Variants in C1QL3 observed in about 807,000 individuals in gnomAD.
C1QL3 encodes complement C1q-like protein 3.
C1QL3 carries 4 observed loss-of-function variants against 16.6 expected under a neutral mutation model. The ratio of observed to expected loss-of-function variants is 0.24; its 90% CI spans 0.12 to 0.55. C1QL3 has a LOEUF of 0.55. Ranked by LOEUF, C1QL3 falls within the 20% of genes least tolerant of loss-of-function variation. The pLI, the probability that C1QL3 is intolerant of heterozygous loss-of-function variation, is 0.94. For synonymous variants in C1QL3, 189 were observed against 160.2 expected, an observed-to-expected ratio of 1.18 and a Z score of -1.36; for missense variants, 269 against 365.6, an observed-to-expected ratio of 0.74 and a Z score of 2.16.
rs1837017071 is a variant in C1QL3, at chr10:16,520,149, T to G, written c.588+329A>C. Reference sequence around the variant, plus strand: ...GAGGATCCCACGGCCAGGGGTCGCTTCCCGCGCCGGGACTCCCCAGCGCAC... The same window carrying G: ...GAGGATCCCACGGCCAGGGGTCGCTGCCCGCGCCGGGACTCCCCAGCGCAC... On this transcript the variant is annotated intron_variant, in intron 1 of 1. Transcript: ENST00000298943. The surrounding 1 kb of genome is among the most constrained non-coding windows in gnomAD (Gnocchi z 8.3). Among the ~76,000 whole-genome samples, 1 of 152,174 alleles carries G rather than the reference T, an allele frequency of 6.6e-6. No homozygotes were observed. Among genetic ancestry groups the G allele is most frequent in the African/African-American group, 2.4e-5 (1 of 41,520 alleles).
intron 1 of C1QL3, among the ~76,000 whole-genome samples, chr10:16,518,082 A>T (rs1000545642): frequency 1.3e-5 from 2 of 152,204 alleles, no homozygotes; most frequent in African/African-American, 4.8e-5. Context: ...TTTCTGTTTT[A>T]TGAAAAATTA....
intron 1 of C1QL3, among the ~76,000 whole-genome samples, chr10:16,518,734 T>C (rs1218455732): frequency 2.0e-5 from 3 of 152,226 alleles, no homozygotes; most frequent in Non-Finnish European, 2.9e-5. Context: ...TTCATTTTAA[T>C]TGATACCTCT....
rs1162714066 is a variant in C1QL3 at position 16,520,490 on chromosome 10, G to A, written c.576C>T (p.Cys192=). The change falls in exon 1 of 2, where the codon TGC becomes TGT. Residue 192 remains cysteine (C), a synonymous_variant. Transcript: ENST00000298943. The surrounding 1 kb of genome is among the most constrained non-coding windows in gnomAD (Gnocchi z 8.3). Reference sequence around the variant, plus strand: ...CGCCCGCGCTCACCTGGTTGTTTTTGCAGAGATCAGCCCACATGCTGGTGC... The same window carrying A: ...CGCCCGCGCTCACCTGGTTGTTTTTACAGAGATCAGCCCACATGCTGGTGC... The part of the protein sequence containing the change: ...GDGTSMWADL[C]KNNQVRASAI... The A allele has an allele frequency of 8.9e-6, 9 of 1,013,248 alleles. No homozygotes were observed. The highest frequency in any genetic ancestry group is 2.7e-5 in the South Asian group (2 of 74,880). 62.8% of individuals were successfully genotyped at this position (1,013,248 alleles called of 1,614,324 possible).
rs1281911856 is a variant in C1QL3, at chr10:16,520,841, G to A, written c.225C>T (p.Arg75=). ...GTGGCCCGGGCTCTCCGGGGGGCCC[G>A]CGCGGACCCGCCTTCCCGGGCCTGC... is the stretch of plus-strand genomic sequence containing the variant. The part of the protein sequence containing the change: ...EAGRPGKAGP[R]GPPGEPGPPG... The change falls in exon 1 of 2, where the codon CGC becomes CGT. Residue 75 remains arginine, a synonymous_variant. Transcript: ENST00000298943. This position sits in a 1 kb window ranked among gnomAD's most constrained non-coding sequence, Gnocchi z 8.3. 2 of 1,403,202 alleles carry A rather than the reference G, an allele frequency of 1.4e-6. No individual in the cohort carries two copies. Among genetic ancestry groups the A allele is most frequent in the Admixed American group, 3.0e-5 (1 of 32,900 alleles). 86.9% of individuals were successfully genotyped at this position (1,403,202 alleles called of 1,614,324 possible).
At position 16,514,377 on chromosome 10, in the gene C1QL3, T is replaced by C. The variant is rs1167996611; in HGVS notation, c.*151A>G. On this transcript the variant is annotated 3_prime_UTR_variant, in exon 2 of 2. Transcript: ENST00000298943. ...TTTTTTACATAATGTTTCTGAGTGA[T>C]ACAGATGTGAGTCAGGTAGCATTTG... 7.8e-6 allele frequency: 5 copies of C among 639,136 alleles called. No homozygotes were observed. Among genetic ancestry groups the C allele is most frequent in the Non-Finnish European group, 1.4e-5 (5 of 362,554 alleles). The allele number at this position is 639,136 out of a possible 1,614,324, so 39.6% of individuals were successfully genotyped here.
chr10:16,514,954 A>G (rs74125908), intron 1 of C1QL3, among the ~76,000 whole-genome samples: 1,931 of 152,266 alleles, frequency 0.013, 31 homozygotes, highest in African/African-American at 0.044. Flanking sequence ...TTATCTAACT[A>G]CACATTCTAA....
Position 16,520,428 on chromosome 10 carries a change from C to T in C1QL3, c.588+50G>A. ...TCCGGGGTCTCCTCCCTCTCGCCCG[C>T]ACCTTCCCGCGCTCCCTCCCCGCCC... is the stretch of plus-strand genomic sequence containing the variant. On this transcript the variant is annotated intron_variant, in intron 1 of 1. Coordinates refer to ENST00000298943, the MANE Select transcript of C1QL3 (RefSeq NM_001010908.2). The surrounding 1 kb of genome is among the most constrained non-coding windows in gnomAD (Gnocchi z 8.3). The T allele has an allele frequency of 1.5e-6, 2 of 1,363,466 alleles. No homozygotes were observed. Among genetic ancestry groups the T allele is most frequent in the Non-Finnish European group, 1.0e-6 (1 of 1,003,274 alleles). The allele number at this position is 1,363,466 out of a possible 1,614,324, so 84.5% of individuals were successfully genotyped here. A position where few individuals can be genotyped will look rare whatever the true frequency, so the allele number is the denominator to read the frequency against.
rs1837040013 is a variant in C1QL3 at position 16,521,329 on chromosome 10, GC to G, written c.-265del. ...CCAGTGACTTGAGCCGAAGTCCCGAGCCCGGGGTGGGGGCCGGGGGAGGGGT... is the reference window on the plus strand; with the variant it reads ...CCAGTGACTTGAGCCGAAGTCCCGAGCCGGGGTGGGGGCCGGGGGAGGGGT... On this transcript the variant is annotated 5_prime_UTR_variant, in exon 1 of 2. Transcript: ENST00000298943. 5.2e-6 allele frequency: 2 copies of G among 381,758 alleles called. No individual in the cohort carries two copies. Among genetic ancestry groups the G allele is most frequent in the Admixed American group, 9.6e-5 (2 of 20,930 alleles). 23.6% of individuals were successfully genotyped at this position (381,758 alleles called of 1,614,324 possible). A position where few individuals can be genotyped will look rare whatever the true frequency, so the allele number is the denominator to read the frequency against.
intron 1 of C1QL3, among the ~76,000 whole-genome samples, chr10:16,519,850 ATTTT>A (rs755342400): frequency 5.9e-5 from 9 of 151,908 alleles, no homozygotes; most frequent in Non-Finnish European, 1.0e-4. Flanking sequence ...CCCCTCCGCT[ATTTT>A]TTGGCTGAAG....
intron 1 of C1QL3, among the ~76,000 whole-genome samples, chr10:16,515,133 A>C (rs1285540111): frequency 6.6e-6 from 1 of 152,086 alleles, no homozygotes; most frequent in Admixed American, 6.5e-5. Context: ...TTCAAGTCTA[A>C]GTTCAGCTGT....
chr10:16,519,066 T>A (rs139650048), intron 1 of C1QL3, among the ~76,000 whole-genome samples: 2,025 of 150,654 alleles, frequency 0.013, 43 homozygotes, highest in African/African-American at 0.047. Context: ...GTCCTGAGGG[T>A]CCCTTAAGCT....
At chr10:16,515,190 C>G (rs946070804) in intron 1 of C1QL3, among the ~76,000 whole-genome samples, 2 of 150,162 alleles carry the variant, frequency 1.3e-5, no homozygotes, top group African/African-American at 4.9e-5. Context: ...CTAAAAATAC[C>G]CAGGAAAATA....
In C1QL3 at chr10:16,520,906, A is replaced by G. The variant is rs1201520536; in HGVS notation, c.160T>C (p.Ser54Pro). Residue 54 changes from serine (S) to proline (P), a missense_variant, in exon 1 of 2, where the codon TCC (serine) becomes CCC (proline). By Grantham distance (74) the Ser-to-Pro change is moderately conservative. Coordinates refer to ENST00000298943, the MANE Select transcript of C1QL3 (RefSeq NM_001010908.2). The surrounding 1 kb of genome is among the most constrained non-coding windows in gnomAD (Gnocchi z 8.3). ...GGGCCCTGGATGAAGGTGGGCAGGG[A>G]CTGCATGAGGCCGCGGTCGGGCGTG... Reference protein sequence around the residue: ...AATPDRGLMQSLPTFIQGPKG... With the variant: ...AATPDRGLMQPLPTFIQGPKG... 3.2e-6 allele frequency: 5 copies of G among 1,553,306 alleles called. No homozygotes were observed. The African/African-American group carries it at 4.1e-5, about 13-fold the overall frequency.
rs1208302609 is a variant in C1QL3 at position 16,520,039 on chromosome 10, C to G, written c.588+439G>C. ...CCCTCCGGCCTTTGTCTACCACCCC[C>G]GAGTCGGTCACCCTGCCACGCCCAT... is the stretch of plus-strand genomic sequence containing the variant. On this transcript the variant is annotated intron_variant, in intron 1 of 1. Coordinates refer to ENST00000298943, the MANE Select transcript of C1QL3 (RefSeq NM_001010908.2). This position sits in a 1 kb window ranked among gnomAD's most constrained non-coding sequence, Gnocchi z 8.3. 6.6e-6 allele frequency among the ~76,000 whole-genome samples: 1 copy of G among 152,114 alleles called. No homozygotes were observed. Among genetic ancestry groups the G allele is most frequent in the Non-Finnish European group, 1.5e-5 (1 of 68,014 alleles).
Position 16,520,721 on chromosome 10 carries a change from G to C in C1QL3, c.345C>G (p.Ala115=), listed in dbSNP as rs961268494. Residue 115 remains alanine (A), a synonymous_variant, in exon 1 of 2, where the codon GCC becomes GCG. Transcript: ENST00000298943. This position sits in a 1 kb window ranked among gnomAD's most constrained non-coding sequence, Gnocchi z 8.3. ...CCGTGCTGTAGGTGGCGGCGCTGATGGCCCCGGCCGCGTTCAGGCCGGGCG... is the reference window on the plus strand; with the variant it reads ...CCGTGCTGTAGGTGGCGGCGCTGATCGCCCCGGCCGCGTTCAGGCCGGGCG... ...PGAPGLNAAG[A]ISAATYSTVP... 2.6e-6 allele frequency: 4 copies of C among 1,530,550 alleles called. No individual in the cohort carries two copies. Among genetic ancestry groups the C allele is most frequent in the Non-Finnish European group, 3.5e-6 (4 of 1,136,760 alleles). The allele number at this position is 1,530,550 out of a possible 1,614,324, so 94.8% of individuals were successfully genotyped here.
chr10:16,519,700 G>C (rs932541819), intron 1 of C1QL3, among the ~76,000 whole-genome samples: 2 of 152,196 alleles, frequency 1.3e-5, no homozygotes, highest in East Asian at 3.9e-4. Flanking sequence ...GGCTCGAACC[G>C]GTCGCCCCCC....
In C1QL3 at chr10:16,520,964, G is replaced by A; in HGVS notation, c.102C>T (p.Pro34=). 6.3e-7 allele frequency: 1 copy of A among 1,585,256 alleles called. No individual in the cohort carries two copies. The highest frequency in any genetic ancestry group is 8.5e-7 in the Non-Finnish European group (1 of 1,173,084). Residue 34 remains proline (P), a synonymous_variant, in exon 1 of 2, where the codon CCC becomes CCT. Transcript: ENST00000298943. This position sits in a 1 kb window ranked among gnomAD's most constrained non-coding sequence, Gnocchi z 8.3. The part of the protein sequence containing the change: ...MLGTCRMVCD[P]YGGTKAPSTA... ...TGCTGGGCGCCTTGGTGCCCCCGTA[G>A]GGGTCGCAGACCATGCGGCAGGTGC...
Position 16,520,443 on chromosome 10 carries a change from C to CCA in C1QL3, c.588+34_588+35insTG. ...CTCTCGCCCGCACCTTCCCGCGCTC[C>CCA]CTCCCCGCCCTCCCCGCCGCCCGCC... On this transcript the variant is annotated intron_variant, in intron 1 of 1. Transcript: ENST00000298943. This position sits in a 1 kb window ranked among gnomAD's most constrained non-coding sequence, Gnocchi z 8.3. 2 of 1,221,934 alleles carry CCA rather than the reference C, an allele frequency of 1.6e-6. No homozygotes were observed. The highest frequency in any genetic ancestry group is 2.3e-6 in the Non-Finnish European group (2 of 872,116). 75.7% of individuals were successfully genotyped at this position (1,221,934 alleles called of 1,614,324 possible). A position where few individuals can be genotyped will look rare whatever the true frequency, so the allele number is the denominator to read the frequency against.
chr10:16,515,297 A>G (rs1410302741), intron 1 of C1QL3, among the ~76,000 whole-genome samples: 4 of 151,614 alleles, frequency 2.6e-5, no homozygotes, highest in Non-Finnish European at 4.4e-5. Flanking sequence ...CCCCTTTACC[A>G]GGCTGCTTCA....
Sources: gnomAD v4.1 joint callset for allele counts (sites outside exome capture counted in the v4.1 genomes callset) on GRCh38, gnomAD v4.1.1 for gene constraint, Gnocchi (gnomAD v3.1) non-coding constraint, MANE v1.5 for transcripts, NCBI Gene and HGNC (gene_info 2026-07-23, HGNC 2026-07-21) for gene names.